The following AR variants were observed in gnomAD, a reference collection of about 807,000 sequenced individuals.
The protein encoded by AR is androgen receptor.
AR carries 8 observed loss-of-function variants against 53.9 expected under a neutral mutation model. That is an observed-to-expected ratio of 0.15 (90% CI 0.09 to 0.27). The LOEUF (loss-of-function observed/expected upper bound fraction) is 0.27. Among genes scored for constraint, AR ranks in the 10% least tolerant of loss-of-function variants. AR has a pLI of 1.00. For synonymous variants in AR, 359 were observed against 316.4 expected, an observed-to-expected ratio of 1.13 and a Z score of -1.43; for missense variants, 639 against 742.5, an observed-to-expected ratio of 0.86 and a Z score of 1.62.
chrX:67,593,927 T>C (rs971347492), intron 1 of AR, among the ~76,000 whole-genome samples: 18 of 112,259 alleles, frequency 1.6e-4, no homozygotes, highest in African/African-American at 5.8e-4. Flanking sequence ...AGTGACTGTT[T>C]CTGTCTATTG....
chrX:67,614,736 C>G (rs1924035131), intron 1 of AR, among the ~76,000 whole-genome samples: 1 of 110,882 alleles, frequency 9.0e-6, no homozygotes, highest in Non-Finnish European at 1.9e-5. Flanking sequence ...AAAAAACTAT[C>G]CATGAGGAAA....
intron 4 of AR, among the ~76,000 whole-genome samples, chrX:67,715,357 G>T (rs1367619441): frequency 9.0e-6 from 1 of 111,401 alleles, no homozygotes; most frequent in Non-Finnish European, 1.9e-5. Flanking sequence ...CTGTCAGCGT[G>T]TCATTACAGT....
chrX:67,699,705 ATGT>A (rs1398852017), intron 3 of AR, among the ~76,000 whole-genome samples: 1 of 111,085 alleles, frequency 9.0e-6, no homozygotes, highest in African/African-American at 3.3e-5. Flanking sequence ...CCTACTACAG[ATGT>A]TGATTCTTTT....
At chrX:67,689,650 C>A in intron 3 of AR, 1 of 917,333 alleles carries the variant, frequency 1.1e-6, no homozygotes, top group Admixed American at 3.8e-5. Context: ...TGCTCATCCA[C>A]AACAGAGATC....
chrX:67,721,706 G>A, intron 5 of AR, 127 bp from the exon 6 acceptor site: 2 of 918,011 alleles, frequency 2.2e-6, no homozygotes, highest in South Asian at 4.0e-5. Context: ...GGTCCCTGGA[G>A]CACCAGCAGG....
At chrX:67,693,100 G>C (rs1476262413) in intron 3 of AR, among the ~76,000 whole-genome samples, 1 of 112,850 alleles carries the variant, frequency 8.9e-6, no homozygotes, top group African/African-American at 3.2e-5. Context: ...TTTGCTCTTA[G>C]AGAACTATGG....
intron 2 of AR, among the ~76,000 whole-genome samples, chrX:67,658,137 G>A (rs772336811): frequency 8.0e-5 from 9 of 112,144 alleles, no homozygotes; most frequent in Non-Finnish European, 1.5e-4. Flanking sequence ...GCATTAGACT[G>A]TCAGTATGTC....
intron 2 of AR, among the ~76,000 whole-genome samples, chrX:67,669,516 C>A (rs1414726207): frequency 9.0e-6 from 1 of 111,658 alleles, no homozygotes; most frequent in African/African-American, 3.2e-5. Context: ...GTATATTCTG[C>A]AGCCATTGGA....
At chrX:67,548,419 T>C (rs771748326) in intron 1 of AR, among the ~76,000 whole-genome samples, 33 of 112,065 alleles carry the variant, frequency 2.9e-4, no homozygotes, top group African/African-American at 1.0e-3. Context: ...ACAAAAAAAG[T>C]ATTCTTCATT....
chrX:67,696,019 T>C, intron 3 of AR: 2 of 753,188 alleles, frequency 2.7e-6, no homozygotes, highest in Non-Finnish European at 3.1e-6. Flanking sequence ...TCTATTTGTT[T>C]GAATGTTGCA....
At chrX:67,656,464 C>G (rs763888672) in intron 2 of AR, among the ~76,000 whole-genome samples, 4 of 111,333 alleles carry the variant, frequency 3.6e-5, no homozygotes, top group African/African-American at 6.5e-5. Context: ...ATGAGCCTGT[C>G]CCTATCAGCA....
At chrX:67,680,093 A>G (rs2075924377) in intron 2 of AR, among the ~76,000 whole-genome samples, 1 of 111,796 alleles carries the variant, frequency 8.9e-6, no homozygotes, top group Admixed American at 9.5e-5. Flanking sequence ...TTAACTAGTA[A>G]TTTAACTTTA....
At chrX:67,674,581 C>A (rs971278064) in intron 2 of AR, among the ~76,000 whole-genome samples, 1 of 111,374 alleles carries the variant, frequency 9.0e-6, no homozygotes, top group Non-Finnish European at 1.9e-5. Context: ...GCCACCACCA[C>A]CCCCATGTTC....
At chrX:67,675,789 C>T (rs1452990243) in intron 2 of AR, among the ~76,000 whole-genome samples, 1 of 111,738 alleles carries the variant, frequency 8.9e-6, no homozygotes, top group East Asian at 2.8e-4. Context: ...TATGAAGGTG[C>T]TTTTTTGTGT....
rs2147524408 is a variant in AR at position 67,711,482 on chromosome X, A to G, written c.1966A>G (p.Thr656Ala). ...ASSTTSPTEE[T>A]TQKLTVSHIE... The stretch of plus-strand genomic sequence containing the variant: ...CAGCACCACCAGCCCCACTGAGGAG[A>G]CAACCCAGAAGCTGACAGTGTCACA... The change falls in exon 4 of 8, where the codon ACA (threonine) becomes GCA (alanine). Residue 656 changes from threonine to alanine, a missense_variant. By Grantham distance (58) the Thr-to-Ala change is moderately conservative. Around this residue, in one of 5 missense-constraint regions of AR, gnomAD observed 47 missense variants for 35.9 expected, o/e 1.31. Transcript: ENST00000374690. The G allele has an allele frequency of 8.3e-7, 1 of 1,210,018 alleles. No individual in the cohort carries two copies. The highest frequency in any genetic ancestry group is 1.1e-6 in the Non-Finnish European group (1 of 894,609).
intron 1 of AR, among the ~76,000 whole-genome samples, chrX:67,621,341 T>C (rs975846917): frequency 4.9e-4 from 55 of 111,547 alleles, no homozygotes; most frequent in Middle Eastern, 4.6e-3. Context: ...TTTTTGTCGT[T>C]GTTGTTGTTG....
intron 2 of AR, among the ~76,000 whole-genome samples, chrX:67,666,534 C>A (rs1056429741): frequency 3.6e-5 from 4 of 111,649 alleles, no homozygotes; most frequent in Non-Finnish European, 5.6e-5. Context: ...GAATGCAGAT[C>A]TCTTTGATAT....
At chrX:67,716,336 T>C (rs899331201) in intron 4 of AR, among the ~76,000 whole-genome samples, 1 of 112,023 alleles carries the variant, frequency 8.9e-6, no homozygotes, top group Non-Finnish European at 1.9e-5. Flanking sequence ...CTTTAAGCCT[T>C]CTTCTTGGAT....
At chrX:67,689,641 G>C in intron 3 of AR, 16 of 936,918 alleles carry the variant, frequency 1.7e-5, no homozygotes, top group Non-Finnish European at 2.2e-5. Flanking sequence ...ACTCTCAGCT[G>C]CTCATCCACA....
Sources: allele counts gnomAD v4.1 joint callset (sites outside exome capture counted in the v4.1 genomes callset), GRCh38; gene constraint gnomAD v4.1.1; regional missense constraint gnomAD v4.1.1; transcripts MANE v1.5; gene names NCBI Gene and HGNC (gene_info 2026-07-23, HGNC 2026-07-21).